The following SCN7A variants were observed in gnomAD, a reference collection of about 807,000 sequenced individuals.
The protein encoded by SCN7A is sodium voltage-gated channel alpha subunit 7.
A neutral mutation model predicts 155.2 loss-of-function variants in SCN7A; 138 were observed. The observed-to-expected ratio is 0.89, with a 90% CI of 0.77 to 1.02. SCN7A has a LOEUF of 1.02. Ranked by LOEUF, SCN7A falls within the 50% of genes least tolerant of loss-of-function variation. SCN7A has a pLI of 0.00. For synonymous variants in SCN7A, 693 were observed against 649.0 expected, an observed-to-expected ratio of 1.07 and a Z score of -1.03; for missense variants, 2,058 against 1,986.6, an observed-to-expected ratio of 1.04 and a Z score of -0.68.
Position 166,405,286 on chromosome 2 carries a change from C to T in SCN7A, c.*294G>A. 1 of 289,410 alleles carries T rather than the reference C, an allele frequency of 3.5e-6. No individual in the cohort carries two copies. Among genetic ancestry groups the T allele is most frequent in the Non-Finnish European group, 6.3e-6 (1 of 158,880 alleles). 17.9% of individuals were successfully genotyped at this position (289,410 alleles called of 1,614,324 possible). A position where few individuals can be genotyped will look rare whatever the true frequency, so the allele number is the denominator to read the frequency against. On this transcript the variant is annotated 3_prime_UTR_variant, in exon 26 of 26. Transcript: ENST00000643258. ...TGCTGCTGATCTCTATCACCACTTC[C>T]CTTCATTCCCTAGAAGGCACACATC...
At chr2:166,445,243 G>A (rs1702037975) in intron 12 of SCN7A, among the ~76,000 whole-genome samples, 1 of 151,926 alleles carries the variant, frequency 6.6e-6, no homozygotes, top group African/African-American at 2.4e-5. Flanking sequence ...TTGAACCTGG[G>A]AGGCAGAGAT....
At chr2:166,476,940 T>C (rs1006396532) in intron 3 of SCN7A, among the ~76,000 whole-genome samples, 4 of 152,058 alleles carry the variant, frequency 2.6e-5, no homozygotes, top group African/African-American at 9.7e-5. Context: ...TTTTTATATT[T>C]AGCATTTTGT....
At chr2:166,473,142 C>T (rs568034716) in intron 5 of SCN7A, among the ~76,000 whole-genome samples, 1 of 151,354 alleles carries the variant, frequency 6.6e-6, no homozygotes, top group African/African-American at 2.4e-5. Context: ...ACCTATGGAA[C>T]AAACCTGCAC....
At chr2:166,410,092 C>T in intron 24 of SCN7A, 128 bp downstream of exon 24, 1 of 1,103,466 alleles carries the variant, frequency 9.1e-7, no homozygotes, top group Non-Finnish European at 1.3e-6. Context: ...AACAAACAAA[C>T]AAAATGACCA....
At chr2:166,418,854 T>C (rs1393101847) in intron 20 of SCN7A, among the ~76,000 whole-genome samples, 1 of 152,196 alleles carries the variant, frequency 6.6e-6, no homozygotes, top group Admixed American at 6.6e-5. Flanking sequence ...ATTAATTTTG[T>C]AAGCATGTAA....
chr2:166,454,973 G>C (rs1429825069), intron 11 of SCN7A, among the ~76,000 whole-genome samples: 1 of 152,042 alleles, frequency 6.6e-6, no homozygotes, highest in Non-Finnish European at 1.5e-5. Flanking sequence ...TAAGGTAATT[G>C]ACAATTACAG....
chr2:166,478,265 G>A (rs555864644), intron 2 of SCN7A, among the ~76,000 whole-genome samples: 230 of 149,966 alleles, frequency 1.5e-3, no homozygotes, highest in African/African-American at 5.1e-3. Context: ...AAACCTACAC[G>A]TTGTGCACGT....
intron 7 of SCN7A, 48 bp from the exon 8 acceptor site, chr2:166,466,035 AG>A: frequency 7.0e-7 from 1 of 1,423,648 alleles, no homozygotes; most frequent in Non-Finnish European, 9.6e-7. Flanking sequence ...ATCTTAGAAA[AG>A]CACTATTGGC....
At chr2:166,452,964 A>G (rs1005868192) in intron 11 of SCN7A, among the ~76,000 whole-genome samples, 2 of 152,202 alleles carry the variant, frequency 1.3e-5, no homozygotes, top group African/African-American at 2.4e-5. Context: ...AGTCAAAGAC[A>G]AGAATTTTAT....
chr2:166,475,121 C>CGTATATATATATATATATATACGT lies in SCN7A; in HGVS notation c.235-778_235-777insACGTATATATATATATATATATAC, dbSNP rs1553520555. Among the ~76,000 whole-genome samples the CGTATATATATATATATATATACGT allele has an allele frequency of 2.1e-3, 218 of 102,184 alleles. 1 individual carries two copies. The highest frequency in any genetic ancestry group is 8.2e-3 in the African/African-American group (202 of 24,736). The allele number at this position is 102,184 out of a possible 152,430, so 67.0% of individuals were successfully genotyped here. A position where few individuals can be genotyped will look rare whatever the true frequency, so the allele number is the denominator to read the frequency against. ...ATATATATGTATATATATATATATACATATATATATATATATACACACACA... is the reference window on the plus strand; with the variant it reads ...ATATATATGTATATATATATATATACGTATATATATATATATATATACGTATATATATATATATATACACACACA... On this transcript the variant is annotated intron_variant, in intron 3 of 25. Coordinates refer to ENST00000643258, the MANE Select transcript of SCN7A (RefSeq NM_002976.4).
intron 13 of SCN7A, 69 bp from the exon 14 acceptor site, chr2:166,443,745 A>C: frequency 9.1e-7 from 1 of 1,101,396 alleles, no homozygotes; most frequent in Middle Eastern, 3.1e-4. Flanking sequence ...TCACACACAA[A>C]ATCTGTGACA....
chr2:166,475,852 T>C (rs1205839852), intron 3 of SCN7A, among the ~76,000 whole-genome samples: 1 of 152,004 alleles, frequency 6.6e-6, no homozygotes, highest in African/African-American at 2.4e-5. Context: ...AAGCTATCCG[T>C]GCAGTTCTTG....
At chr2:166,410,133 T>C in intron 24 of SCN7A, 87 bp downstream of exon 24, 1 of 1,202,696 alleles carries the variant, frequency 8.3e-7, no homozygotes, top group Non-Finnish European at 1.1e-6. Flanking sequence ...CACAAAAATT[T>C]TGACAAAAAC....
At chr2:166,475,157 G>GA (rs1388384182) in intron 3 of SCN7A, among the ~76,000 whole-genome samples, 12 of 110,216 alleles carry the variant, frequency 1.1e-4, no homozygotes, top group African/African-American at 3.6e-4. Flanking sequence ...CACATTCAGT[G>GA]AAAGTGTGTA....
intron 18 of SCN7A, among the ~76,000 whole-genome samples, chr2:166,427,367 C>A (rs1219712125): frequency 6.6e-6 from 1 of 152,008 alleles, no homozygotes; most frequent in Non-Finnish European, 1.5e-5. Flanking sequence ...AGTTCACAGA[C>A]CCTTTAAAGC....
chr2:166,424,180 AC>A (rs766760516), intron 18 of SCN7A, among the ~76,000 whole-genome samples: 2 of 152,146 alleles, frequency 1.3e-5, no homozygotes, highest in Non-Finnish European at 2.9e-5. Flanking sequence ...AGATTTTATG[AC>A]TTTTAATTGA....
intron 11 of SCN7A, among the ~76,000 whole-genome samples, chr2:166,450,752 C>T (rs74610165): frequency 0.016 from 2,364 of 152,048 alleles, 76 homozygotes; most frequent in East Asian, 0.12. Flanking sequence ...CCAGATTGCG[C>T]CACTGCACTC....
chr2:166,480,129 A>G (rs1270364028), intron 2 of SCN7A, among the ~76,000 whole-genome samples: 1 of 152,154 alleles, frequency 6.6e-6, no homozygotes, highest in Non-Finnish European at 1.5e-5. Flanking sequence ...ACAGATAACC[A>G]AGTTTTCTCT....
chr2:166,436,380 T>A, intron 15 of SCN7A: 1 of 439,304 alleles, frequency 2.3e-6, no homozygotes, highest in Admixed American at 2.4e-5. Context: ...TGCTGCAATG[T>A]GAAGGACATG....
Sources: gnomAD v4.1 joint callset for allele counts (sites outside exome capture counted in the v4.1 genomes callset) on GRCh38, gnomAD v4.1.1 for gene constraint, MANE v1.5 for transcripts, NCBI Gene and HGNC (gene_info 2026-07-23, HGNC 2026-07-21) for gene names.